The following PDE7B variants were observed in gnomAD, a reference collection of about 807,000 sequenced individuals.
PDE7B encodes the protein phosphodiesterase 7B.
PDE7B carries 29 observed loss-of-function variants against 56.2 expected under a neutral mutation model. That is an observed-to-expected ratio of 0.52 (90% CI 0.38 to 0.70). The LOEUF (loss-of-function observed/expected upper bound fraction) is 0.70, where lower values mean the gene tolerates loss of function less well. PDE7B is among the 30% of genes least tolerant of loss of function. The pLI is 0.00. For synonymous variants in PDE7B, 197 were observed against 196.9 expected (o/e 1.00, Z 0.00); for missense variants, 490 against 565.0 (o/e 0.87, Z 1.35).
chr6:135,880,533 T>G (rs978075905), intron 1 of PDE7B, among the ~76,000 whole-genome samples: 2 of 152,112 alleles, frequency 1.3e-5, no homozygotes, highest in African/African-American at 2.4e-5. Context: ...GGAGGAGGCC[T>G]CAGATTGGCA....
intron 2 of PDE7B, among the ~76,000 whole-genome samples, chr6:135,992,740 G>C (rs1394890006): frequency 6.6e-6 from 1 of 152,152 alleles, no homozygotes; most frequent in Non-Finnish European, 1.5e-5. Flanking sequence ...TTCATCTACG[G>C]ATATTAAAAT....
intron 2 of PDE7B, among the ~76,000 whole-genome samples, chr6:135,996,366 T>TC (rs1775564771): frequency 1.3e-5 from 2 of 152,208 alleles, no homozygotes; most frequent in African/African-American, 4.8e-5. Context: ...TTAACTTCAG[T>TC]CAGAAATTCA....
At chr6:136,058,354 T>C (rs1471082372) in intron 2 of PDE7B, among the ~76,000 whole-genome samples, 1 of 152,172 alleles carries the variant, frequency 6.6e-6, no homozygotes, top group Non-Finnish European at 1.5e-5. Flanking sequence ...ACATGTAACA[T>C]CTGCTCACCC....
intron 1 of PDE7B, among the ~76,000 whole-genome samples, chr6:135,887,467 G>A (rs956963601): frequency 1.3e-5 from 2 of 152,058 alleles, no homozygotes; most frequent in Non-Finnish European, 2.9e-5. Context: ...AATATGAAAG[G>A]ATCTGCTTAA....
chr6:135,891,364 C>T (rs796115712), intron 1 of PDE7B, among the ~76,000 whole-genome samples: 2 of 152,090 alleles, frequency 1.3e-5, no homozygotes, highest in Non-Finnish European at 2.9e-5. Context: ...ATCATTAGGG[C>T]TAAAGGAAGA....
chr6:136,036,254 G>A (rs1241765817), intron 2 of PDE7B, among the ~76,000 whole-genome samples: 1 of 152,156 alleles, frequency 6.6e-6, no homozygotes, highest in East Asian at 1.9e-4. Context: ...GAGGGAAAAA[G>A]GAAGGGCACA....
chr6:136,187,805 G>T (rs542895123), intron 12 of PDE7B, among the ~76,000 whole-genome samples: 1 of 152,076 alleles, frequency 6.6e-6, no homozygotes, highest in African/African-American at 2.4e-5. Context: ...TTTTTGCTTC[G>T]GTAAGACTTT....
At chr6:135,895,444 C>G (rs1775882084) in intron 1 of PDE7B, among the ~76,000 whole-genome samples, 1 of 152,034 alleles carries the variant, frequency 6.6e-6, no homozygotes. Flanking sequence ...GACCTGGTGC[C>G]CTGACCTCTC....
chr6:135,895,198 T>C (rs890725426), intron 1 of PDE7B, among the ~76,000 whole-genome samples: 12 of 152,118 alleles, frequency 7.9e-5, no homozygotes, highest in Non-Finnish European at 1.3e-4. Context: ...AGAAGGCACA[T>C]GTAACAAAAG....
chr6:136,096,845 C>G (rs1179323561), intron 2 of PDE7B, among the ~76,000 whole-genome samples: 1 of 151,982 alleles, frequency 6.6e-6, no homozygotes, highest in Non-Finnish European at 1.5e-5. Context: ...CATGTGATGC[C>G]CAAAGGACTA....
intron 2 of PDE7B, among the ~76,000 whole-genome samples, chr6:136,061,680 G>A (rs1776843927): frequency 1.3e-5 from 2 of 152,144 alleles, no homozygotes; most frequent in South Asian, 2.1e-4. Flanking sequence ...AAACCCATTC[G>A]TCAAGTACTA....
chr6:136,129,449 G>A (rs1329433451), intron 3 of PDE7B, among the ~76,000 whole-genome samples: 1 of 152,182 alleles, frequency 6.6e-6, no homozygotes, highest in East Asian at 1.9e-4. Flanking sequence ...TAGAAGGGCA[G>A]CTGGAAGTCC....
chr6:136,136,904 A>C (rs993804881), intron 3 of PDE7B, among the ~76,000 whole-genome samples: 2 of 152,124 alleles, frequency 1.3e-5, no homozygotes, highest in African/African-American at 4.8e-5. Context: ...TTGTTCAAAA[A>C]GAGCATTTAA....
intron 1 of PDE7B, among the ~76,000 whole-genome samples, chr6:135,852,552 AAAAT>A (rs1181583662): frequency 1.3e-5 from 2 of 152,230 alleles, no homozygotes; most frequent in Non-Finnish European, 2.9e-5. Flanking sequence ...AAGGTAGAAA[AAAAT>A]CAATAGAAGA....
intron 2 of PDE7B, among the ~76,000 whole-genome samples, chr6:135,992,360 T>C (rs559022809): frequency 2.0e-5 from 3 of 152,352 alleles, no homozygotes; most frequent in African/African-American, 7.2e-5. Flanking sequence ...ACCATAGCAG[T>C]CTCTTAGATA....
chr6:136,108,672 G>A (rs1777693913), intron 2 of PDE7B, 59 bp from the exon 3 acceptor site: 3 of 1,116,502 alleles, frequency 2.7e-6, no homozygotes, highest in African/African-American at 3.1e-5. Context: ...ATTTACAGGG[G>A]AAAAGTGAAT....
At chr6:136,005,598 G>GA (rs1285028688) in intron 2 of PDE7B, among the ~76,000 whole-genome samples, 1 of 152,138 alleles carries the variant, frequency 6.6e-6, no homozygotes, top group Admixed American at 6.6e-5. Context: ...AAAAACACAT[G>GA]AAAAAATGCT....
intron 1 of PDE7B, among the ~76,000 whole-genome samples, chr6:135,941,668 T>TA (rs1297172117): frequency 5.1e-4 from 78 of 152,310 alleles, no homozygotes; most frequent in Middle Eastern, 3.4e-3. Context: ...TCCTTTCTGC[T>TA]AAAAAACAAT....
At chr6:136,002,513 A>T (rs961298473) in intron 2 of PDE7B, among the ~76,000 whole-genome samples, 7 of 152,234 alleles carry the variant, frequency 4.6e-5, no homozygotes, top group African/African-American at 1.2e-4. Context: ...AAGATCTACC[A>T]AGCAAATGGA....
Sources: gnomAD v4.1 joint callset for allele counts (sites outside exome capture counted in the v4.1 genomes callset) on GRCh38, gnomAD v4.1.1 for gene constraint, MANE v1.5 for transcripts, NCBI Gene and HGNC (gene_info 2026-07-23, HGNC 2026-07-21) for gene names.